Variants in SPAG16 observed in about 807,000 individuals in gnomAD.
The protein encoded by SPAG16 is sperm-associated antigen 16 protein.
In SPAG16, 86 loss-of-function variants were observed where a neutral mutation model predicts 80.4. The ratio of observed to expected loss-of-function variants is 1.07; its 90% confidence interval spans 0.90 to 1.28. The LOEUF (loss-of-function observed/expected upper bound fraction) is 1.28, where lower values mean the gene tolerates loss of function less well. SPAG16 is among the 50% of genes most tolerant of loss of function. The pLI is 0.00. For synonymous variants in SPAG16, 294 were observed against 265.9 expected (o/e 1.11, Z -1.03); for missense variants, 870 against 765.3 (o/e 1.14, Z -1.61).
intron 8 of SPAG16, among the ~76,000 whole-genome samples, chr2:213,373,296 T>C (rs1390291368): frequency 6.6e-6 from 1 of 152,198 alleles, no homozygotes; most frequent in Non-Finnish European, 1.5e-5. Flanking sequence ...AATTTTTGTG[T>C]AAGTAAAAGT....
chr2:213,831,500 A>G (rs909173249), intron 10 of SPAG16, among the ~76,000 whole-genome samples: 13 of 151,712 alleles, frequency 8.6e-5, no homozygotes, highest in African/African-American at 2.7e-4. Context: ...CTAACATTCA[A>G]AGTTCTTCAT....
At chr2:214,204,925 A>G (rs1452425570) in intron 15 of SPAG16, among the ~76,000 whole-genome samples, 1 of 152,128 alleles carries the variant, frequency 6.6e-6, no homozygotes, top group Non-Finnish European at 1.5e-5. Context: ...AATTAATGAA[A>G]TCAAAAAATA....
At chr2:213,869,279 A>ATGTG (rs1225037973) in intron 11 of SPAG16, among the ~76,000 whole-genome samples, 662 of 61,294 alleles carry the variant, frequency 0.011, 24 homozygotes, top group Non-Finnish European at 0.023. Context: ...ATATATATAT[A>ATGTG]TGTATATATA....
intron 10 of SPAG16, among the ~76,000 whole-genome samples, chr2:213,808,477 A>G (rs10166032): frequency 0.6 from 91,656 of 151,976 alleles, 29,765 homozygotes; most frequent in South Asian, 0.86. Flanking sequence ...CAATTTCTAA[A>G]TCAAAACCAG....
intron 9 of SPAG16, chr2:213,422,497 T>A (rs985600734): frequency 7.3e-6 from 4 of 551,328 alleles, no homozygotes; most frequent in Non-Finnish European, 1.3e-5. Context: ...ATCTGGGCTG[T>A]AGCAAGAGCT....
At chr2:213,676,248 G>C (rs949886055) in intron 10 of SPAG16, among the ~76,000 whole-genome samples, 1 of 152,296 alleles carries the variant, frequency 6.6e-6, no homozygotes, top group Non-Finnish European at 1.5e-5. Context: ...CTGAGACTTT[G>C]CTAAAGTTGC....
chr2:213,928,939 AC>A (rs2078623936), intron 11 of SPAG16, among the ~76,000 whole-genome samples: 2 of 142,190 alleles, frequency 1.4e-5, no homozygotes, highest in African/African-American at 5.2e-5. Context: ...ACACACACAC[AC>A]ACAAAACCAA....
At chr2:213,814,792 A>C (rs2072410645) in intron 10 of SPAG16, among the ~76,000 whole-genome samples, 1 of 22,188 alleles carries the variant, frequency 4.5e-5, no homozygotes, top group South Asian at 0.013. Flanking sequence ...CTGTCTCAAA[A>C]CAATAATAAT....
At chr2:213,644,733 C>T (rs572840487) in intron 10 of SPAG16, among the ~76,000 whole-genome samples, 1 of 152,308 alleles carries the variant, frequency 6.6e-6, no homozygotes, top group Non-Finnish European at 1.5e-5. Context: ...TTCTGAACCA[C>T]CTAAATCTGT....
chr2:214,152,900 C>G (rs1388105363), intron 15 of SPAG16, among the ~76,000 whole-genome samples: 1 of 152,098 alleles, frequency 6.6e-6, no homozygotes, highest in Non-Finnish European at 1.5e-5. Flanking sequence ...AGTACTTTCA[C>G]TAATTGACTA....
chr2:214,260,572 T>C (rs1283378961), intron 15 of SPAG16, among the ~76,000 whole-genome samples: 4 of 152,210 alleles, frequency 2.6e-5, no homozygotes, highest in Non-Finnish European at 4.4e-5. Flanking sequence ...TTGTCATCTA[T>C]GCATGGCTTT....
intron 10 of SPAG16, among the ~76,000 whole-genome samples, chr2:213,592,608 C>T (rs758546970): frequency 1.4e-4 from 21 of 152,230 alleles, no homozygotes; most frequent in Non-Finnish European, 2.4e-4. Context: ...TCCTTAGTCC[C>T]TTTTAGCAGT....
At chr2:214,151,715 T>C (rs1044718490) in intron 15 of SPAG16, among the ~76,000 whole-genome samples, 4 of 152,170 alleles carry the variant, frequency 2.6e-5, no homozygotes, top group African/African-American at 9.6e-5. Context: ...AACTAAATTG[T>C]GCAGTTATAT....
At chr2:213,875,558 AT>A (rs2076111085) in intron 11 of SPAG16, among the ~76,000 whole-genome samples, 1 of 152,108 alleles carries the variant, frequency 6.6e-6, no homozygotes, top group Admixed American at 6.6e-5. Context: ...GAGTCAACTA[AT>A]TCTTGCTCTC....
At chr2:213,892,855 G>T (rs368805794) in intron 11 of SPAG16, among the ~76,000 whole-genome samples, 4 of 152,116 alleles carry the variant, frequency 2.6e-5, no homozygotes, top group African/African-American at 7.2e-5. Flanking sequence ...TCATGAGAAA[G>T]TTGAACAATA....
At chr2:214,152,622 A>G (rs974715678) in intron 15 of SPAG16, among the ~76,000 whole-genome samples, 1 of 152,172 alleles carries the variant, frequency 6.6e-6, no homozygotes, top group Non-Finnish European at 1.5e-5. Context: ...GAGATAAAAG[A>G]AAAGACAGCT....
intron 15 of SPAG16, among the ~76,000 whole-genome samples, chr2:214,159,839 C>A (rs1309179711): frequency 6.6e-6 from 1 of 151,870 alleles, no homozygotes; most frequent in Non-Finnish European, 1.5e-5. Flanking sequence ...TAATGATAAG[C>A]ATCTTTGAAT....
intron 10 of SPAG16, among the ~76,000 whole-genome samples, chr2:213,593,110 T>C (rs1293455466): frequency 1.3e-5 from 2 of 152,138 alleles, no homozygotes; most frequent in Non-Finnish European, 2.9e-5. Flanking sequence ...CCTAATATAC[T>C]GATTTCTCAT....
At position 213,492,947 on chromosome 2, in the gene SPAG16, T is replaced by TTC. The variant is rs372933104; in HGVS notation, c.1070+2870_1070+2871dup. On this transcript the variant is annotated intron_variant, in intron 10 of 15. Coordinates refer to ENST00000331683, the MANE Select transcript of SPAG16 (RefSeq NM_024532.5). ...TATTTCTATAAGGCAGTTATTATTT[T>TTC]TCTCTCTCTCTCTCGTTTCTCCTTC... 5.9e-5 allele frequency among the ~76,000 whole-genome samples: 9 copies of TTC among 151,930 alleles called. No individual in the cohort carries two copies. In the South Asian group the frequency reaches 1.0e-3, roughly 18 times the overall value.
Sources: gnomAD v4.1 joint callset for allele counts (sites outside exome capture counted in the v4.1 genomes callset) on GRCh38, gnomAD v4.1.1 for gene constraint, MANE v1.5 for transcripts, NCBI Gene and HGNC (gene_info 2026-07-23, HGNC 2026-07-21) for gene names.